The following LY9 variants were observed in gnomAD, a reference collection of about 807,000 sequenced individuals.
The protein encoded by LY9 is lymphocyte antigen 9.
LY9 carries 59 observed loss-of-function variants against 64.6 expected under a neutral mutation model. The ratio of observed to expected loss-of-function variants is 0.91; its 90% CI spans 0.74 to 1.13. The LOEUF is 1.13. Among genes scored for constraint, LY9 ranks in the 50% most tolerant of loss-of-function variants. The pLI, the probability that LY9 is intolerant of heterozygous loss-of-function variation, is 0.00. For missense variants in LY9, 789 were observed against 797.2 expected (o/e 0.99, Z 0.12); for synonymous variants, 281 against 308.5 (o/e 0.91, Z 0.93).
intron 4 of LY9, among the ~76,000 whole-genome samples, 166 bp from the exon 5 acceptor site, chr1:160,816,428 T>C (rs1667949891): frequency 6.6e-6 from 1 of 152,214 alleles, no homozygotes; most frequent in Non-Finnish European, 1.5e-5. Flanking sequence ...ATGTCACAAG[T>C]AGTGAGGAAA....
At chr1:160,808,148 T>C (rs1667161163) in intron 2 of LY9, among the ~76,000 whole-genome samples, 1 of 152,170 alleles carries the variant, frequency 6.6e-6, no homozygotes, top group South Asian at 2.1e-4. Context: ...TTGCCCAGCT[T>C]GCAACCAAGT....
rs1335254912 is a variant in LY9 at position 160,827,781 on chromosome 1, A to G, written c.1933A>G (p.Ile645Val). 3.1e-6 allele frequency: 5 copies of G among 1,609,968 alleles called. No individual in the cohort carries two copies. Among genetic ancestry groups the G allele is most frequent in the African/African-American group, 1.3e-5 (1 of 74,642 alleles). Residue 645 changes from isoleucine to valine, a missense_variant, in exon 10 of 10, where the codon ATT becomes GTT. By Grantham distance (29) the Ile-to-Val change is conservative. Coordinates refer to ENST00000263285, the MANE Select transcript of LY9 (RefSeq NM_002348.4). ...ACCACCACAACAGAATGATCTTGAG[A>G]TTCCTGAAAGTCCTACCTATGAAAA... ...VPPPQQNDLEIPESPTYENFT is the reference protein window; with the variant it reads ...VPPPQQNDLEVPESPTYENFT
intron 2 of LY9, among the ~76,000 whole-genome samples, chr1:160,808,409 T>G (rs748276268): frequency 1.3e-5 from 2 of 152,208 alleles, no homozygotes; most frequent in Non-Finnish European, 2.9e-5. Context: ...TTACTATAAC[T>G]GCAGAGGTCT....
chr1:160,816,035 A>G (rs1368160117), intron 4 of LY9, among the ~76,000 whole-genome samples: 2 of 152,230 alleles, frequency 1.3e-5, no homozygotes, highest in Admixed American at 6.5e-5. Context: ...AAGTCGGCCA[A>G]GTCCATGCCT....
intron 2 of LY9, chr1:160,800,303 G>C: frequency 1.9e-6 from 1 of 517,284 alleles, no homozygotes; most frequent in African/African-American, 1.9e-5. Context: ...CTGTATGTTT[G>C]TACCCTTTAA....
At chr1:160,803,713 G>C (rs1666718593) in intron 2 of LY9, among the ~76,000 whole-genome samples, 1 of 152,006 alleles carries the variant, frequency 6.6e-6, no homozygotes, top group African/African-American at 2.4e-5. Flanking sequence ...CTAGTTATAA[G>C]ATCATATCCT....
At chr1:160,814,153 T>C (rs1478446998) in intron 3 of LY9, among the ~76,000 whole-genome samples, 3 of 151,736 alleles carry the variant, frequency 2.0e-5, no homozygotes, top group Non-Finnish European at 4.4e-5. Context: ...GATACAGGAG[T>C]CCAGATTGGT....
intron 2 of LY9, among the ~76,000 whole-genome samples, chr1:160,808,489 T>A (rs1667190539): frequency 6.6e-6 from 1 of 152,064 alleles, no homozygotes; most frequent in South Asian, 2.1e-4. Flanking sequence ...TCCCAGCAGC[T>A]CCCTATGGTA....
chr1:160,820,922 G>A (rs1375031130), intron 7 of LY9, among the ~76,000 whole-genome samples: 2 of 151,590 alleles, frequency 1.3e-5, no homozygotes, highest in African/African-American at 4.8e-5. Context: ...GGAGGCTGAG[G>A]CAGGTAGATC....
chr1:160,814,968 C>A (rs974419377), intron 4 of LY9: 48 of 588,538 alleles, frequency 8.2e-5, no homozygotes, highest in Middle Eastern at 3.0e-4. Context: ...GCCAAAGTGC[C>A]CCTGGCTCTA....
chr1:160,819,448 G>T, intron 7 of LY9, 74 bp downstream of exon 7: 1 of 1,328,678 alleles, frequency 7.5e-7, no homozygotes. Flanking sequence ...TGCTCAAAGT[G>T]TGGTCTGCTG....
At chr1:160,819,570 A>C (rs1557814020) in intron 7 of LY9, among the ~76,000 whole-genome samples, 196 bp downstream of exon 7, 2 of 151,806 alleles carry the variant, frequency 1.3e-5, no homozygotes, top group Non-Finnish European at 2.9e-5. Flanking sequence ...CAGGTAGATC[A>C]CTTGAGGCCA....
intron 4 of LY9, chr1:160,815,053 C>T: frequency 2.5e-6 from 1 of 398,492 alleles, no homozygotes; most frequent in Non-Finnish European, 4.6e-6. Flanking sequence ...TCAGAAGGGA[C>T]TAGGAGGCCA....
chr1:160,808,184 C>T (rs1570998177), intron 2 of LY9, among the ~76,000 whole-genome samples: 1 of 152,318 alleles, frequency 6.6e-6, no homozygotes, highest in African/African-American at 2.4e-5. Context: ...CAGCCCACTA[C>T]TTTACCCAGT....
chr1:160,804,941 G>A (rs564996597), intron 2 of LY9, among the ~76,000 whole-genome samples: 1 of 152,110 alleles, frequency 6.6e-6, no homozygotes, highest in Admixed American at 6.5e-5. Context: ...TGTAATGTCA[G>A]TTGTAATGTC....
intron 6 of LY9, among the ~76,000 whole-genome samples, 158 bp from the exon 7 acceptor site, chr1:160,819,163 T>C (rs1668181622): frequency 1.3e-5 from 2 of 152,178 alleles, no homozygotes; most frequent in African/African-American, 2.4e-5. Flanking sequence ...CCCCTTCACA[T>C]AGGCCTGGCT....
At chr1:160,826,754 T>A (rs900504204) in intron 9 of LY9, among the ~76,000 whole-genome samples, 6 of 152,188 alleles carry the variant, frequency 3.9e-5, no homozygotes, top group African/African-American at 1.4e-4. Context: ...CCATCATCCA[T>A]CTCATCCTGA....
At position 160,799,928 on chromosome 1, in the gene LY9, C is replaced by T. The variant is rs760987822; in HGVS notation, c.300C>T (p.Val100=). The T allele has an allele frequency of 1.2e-6, 2 of 1,614,056 alleles. No individual in the cohort carries two copies. The highest frequency in any genetic ancestry group is 1.7e-6 in the Non-Finnish European group (2 of 1,180,048). ...CCAAAGAAAATGTAACCATTATGGT[C>T]AAAAGCTACCTGGGCCGACTAGACA... ...ARPKENVTIM[V]KSYLGRLDIT... is the part of the protein sequence containing the mutation. Residue 100 remains valine (V), a synonymous_variant, in exon 2 of 10, where the codon GTC becomes GTT. Coordinates refer to ENST00000263285, the MANE Select transcript of LY9 (RefSeq NM_002348.4).
At chr1:160,817,651 A>T (rs1234324214) in intron 5 of LY9, among the ~76,000 whole-genome samples, 1 of 152,222 alleles carries the variant, frequency 6.6e-6, no homozygotes, top group Non-Finnish European at 1.5e-5. Flanking sequence ...CCTACAGAGT[A>T]GATATTCTCG....
Sources: gnomAD v4.1 joint callset for allele counts (sites outside exome capture counted in the v4.1 genomes callset) on GRCh38, gnomAD v4.1.1 for gene constraint, MANE v1.5 for transcripts, NCBI Gene and HGNC (gene_info 2026-07-23, HGNC 2026-07-21) for gene names.